Variants in TBCK observed in about 807,000 individuals in gnomAD.
The protein encoded by TBCK is TBC domain-containing protein kinase-like protein.
In TBCK, 99 loss-of-function variants were observed where a neutral mutation model predicts 113.4. The ratio of observed to expected loss-of-function variants is 0.87; its 90% CI spans 0.74 to 1.03. The LOEUF (loss-of-function observed/expected upper bound fraction) is 1.03. Among genes scored for constraint, TBCK ranks in the 50% least tolerant of loss-of-function variants. The pLI is 0.00. For synonymous variants in TBCK, 369 were observed against 370.8 expected (o/e 1.00, Z 0.05); for missense variants, 1,045 against 1,061.3 (o/e 0.98, Z 0.21).
At chr4:106,309,331 T>C (rs1767919687) in intron 1 of TBCK, among the ~76,000 whole-genome samples, 1 of 139,404 alleles carries the variant, frequency 7.2e-6, no homozygotes, top group Non-Finnish European at 1.6e-5. Context: ...TTTTTTTTTT[T>C]TGAGACAGTC....
intron 4 of TBCK, among the ~76,000 whole-genome samples, chr4:106,261,134 G>A (rs1762468219): frequency 6.6e-6 from 1 of 151,894 alleles, no homozygotes; most frequent in Non-Finnish European, 1.5e-5. Context: ...AAAATATTAA[G>A]TTGATCTTAA....
chr4:106,195,258 C>T (rs1004058246), intron 20 of TBCK, among the ~76,000 whole-genome samples: 2 of 151,962 alleles, frequency 1.3e-5, no homozygotes, highest in Non-Finnish European at 2.9e-5. Flanking sequence ...TGATACTATC[C>T]ACATTACAAA....
chr4:106,086,132 C>CA lies in TBCK; in HGVS notation c.2571+9349dup, dbSNP rs144630669. On this transcript the variant is annotated intron_variant, in intron 25 of 25. Transcript: ENST00000394708. ...GGAGATAGAGACATGAAAAACCCTC[C>CA]AAAAAAATCAATCCAGGAGCTTTTT... 6.3e-3 allele frequency among the ~76,000 whole-genome samples: 953 copies of CA among 151,560 alleles called. 10 individuals carry two copies. Among genetic ancestry groups the CA allele is most frequent in the African/African-American group, 0.02 (819 of 41,322 alleles).
chr4:106,091,019 GC>G (rs1192574955), intron 25 of TBCK, among the ~76,000 whole-genome samples: 1 of 152,064 alleles, frequency 6.6e-6, no homozygotes, highest in East Asian at 1.9e-4. Context: ...GTATTTAACA[GC>G]AACACCCCAC....
At chr4:106,154,529 T>C (rs1005840173) in intron 23 of TBCK, among the ~76,000 whole-genome samples, 4 of 152,132 alleles carry the variant, frequency 2.6e-5, no homozygotes, top group Admixed American at 2.0e-4. Flanking sequence ...TGAGAGGTGA[T>C]TGGATCATGG....
At chr4:106,153,701 C>T (rs1748789468) in intron 23 of TBCK, among the ~76,000 whole-genome samples, 2 of 152,076 alleles carry the variant, frequency 1.3e-5, no homozygotes, top group African/African-American at 4.8e-5. Context: ...GGTTCCATCT[C>T]TCTCTTTAGT....
chr4:106,281,866 T>G (rs1477831997), intron 3 of TBCK, among the ~76,000 whole-genome samples: 1 of 152,124 alleles, frequency 6.6e-6, no homozygotes, highest in South Asian at 2.1e-4. Context: ...TGTAGTTTTC[T>G]TTCTTTGATG....
At chr4:106,254,835 C>T (rs1469742403) in intron 5 of TBCK, 1 of 151,844 alleles carries the variant, frequency 6.6e-6, no homozygotes, top group Non-Finnish European at 1.5e-5. Flanking sequence ...TTCATTTGGT[C>T]AATTTGCCTA....
intron 24 of TBCK, 116 bp from the exon 25 acceptor site, chr4:106,095,757 T>TGAG (rs1435563408): frequency 1.1e-5 from 9 of 819,842 alleles, no homozygotes; most frequent in African/African-American, 1.8e-5. Context: ...CCAGCTTATG[T>TGAG]GAGTATTTTA....
At chr4:106,269,010 C>T (rs1763244737) in intron 3 of TBCK, among the ~76,000 whole-genome samples, 1 of 152,124 alleles carries the variant, frequency 6.6e-6, no homozygotes, top group Non-Finnish European at 1.5e-5. Context: ...GGAGGAAACA[C>T]ATTTCTGCAT....
intron 23 of TBCK, among the ~76,000 whole-genome samples, chr4:106,142,223 A>AT (rs1213912006): frequency 2.6e-5 from 4 of 152,162 alleles, no homozygotes; most frequent in African/African-American, 9.7e-5. Context: ...TATAATTCAG[A>AT]TAGATGTATT....
chr4:106,200,482 A>G (rs1700828207), intron 20 of TBCK, among the ~76,000 whole-genome samples: 1 of 152,106 alleles, frequency 6.6e-6, no homozygotes, highest in Non-Finnish European at 1.5e-5. Flanking sequence ...TGAGACTGCA[A>G]TGAGCCATAA....
chr4:106,100,394 A>G (rs1006317987), intron 24 of TBCK, among the ~76,000 whole-genome samples: 32 of 152,182 alleles, frequency 2.1e-4, no homozygotes, highest in African/African-American at 7.7e-4. Context: ...GTATCTAACA[A>G]TGCTTGCAAG....
chr4:106,197,411 G>GTGTGTATATATATATA (rs35695611), intron 20 of TBCK, among the ~76,000 whole-genome samples: 11 of 122,462 alleles, frequency 9.0e-5, no homozygotes, highest in East Asian at 2.3e-4. Context: ...GTGTGTGTGT[G>GTGTGTATATATATATA]TATATATATA....
chr4:106,309,954 C>T (rs1768011355), intron 1 of TBCK: 1 of 152,048 alleles, frequency 6.6e-6, no homozygotes, highest in Admixed American at 6.6e-5. Flanking sequence ...CCCAAAGTTG[C>T]GTAAAGTAGT....
At chr4:106,104,519 G>A (rs1320401360) in intron 24 of TBCK, among the ~76,000 whole-genome samples, 1 of 151,952 alleles carries the variant, frequency 6.6e-6, no homozygotes, top group African/African-American at 2.4e-5. Context: ...CCTCCTCACT[G>A]GGCAGGACCT....
At chr4:106,269,024 A>G (rs1375856261) in intron 3 of TBCK, among the ~76,000 whole-genome samples, 2 of 152,152 alleles carry the variant, frequency 1.3e-5, no homozygotes, top group Non-Finnish European at 1.5e-5. Context: ...TCTGCATTCT[A>G]TGAGTTCAAG....
At chr4:106,083,099 C>T (rs186231205) in intron 25 of TBCK, among the ~76,000 whole-genome samples, 44 of 152,348 alleles carry the variant, frequency 2.9e-4, no homozygotes, top group Admixed American at 1.0e-3. Context: ...GCACTGGCTG[C>T]GGCTACCTGC....
At chr4:106,223,734 C>A (rs1010533127) in intron 19 of TBCK, among the ~76,000 whole-genome samples, 2 of 152,094 alleles carry the variant, frequency 1.3e-5, no homozygotes, top group African/African-American at 4.8e-5. Flanking sequence ...GTTTAATGTG[C>A]CAAAGTTTCA....
Sources: allele counts gnomAD v4.1 joint callset (sites outside exome capture counted in the v4.1 genomes callset), GRCh38; gene constraint gnomAD v4.1.1; transcripts MANE v1.5; gene names NCBI Gene and HGNC (gene_info 2026-07-23, HGNC 2026-07-21).